Variants in SPOCK2 observed in about 807,000 individuals in gnomAD.
SPOCK2 encodes the protein SPARC (osteonectin), cwcv and kazal like domains proteoglycan 2.
A neutral mutation model predicts 60.1 loss-of-function variants in SPOCK2; 39 were observed. The ratio of observed to expected loss-of-function variants is 0.65; its 90% CI spans 0.50 to 0.85. The LOEUF is 0.85. Among genes scored for constraint, SPOCK2 ranks in the 40% least tolerant of loss-of-function variants. SPOCK2 has a pLI of 0.00. For synonymous variants in SPOCK2, 217 were observed against 231.5 expected (o/e 0.94, Z 0.57); for missense variants, 523 against 567.4 (o/e 0.92, Z 0.80).
chr10:72,081,043 G>A (rs902433377), intron 1 of SPOCK2, among the ~76,000 whole-genome samples: 74 of 152,320 alleles, frequency 4.9e-4, no homozygotes, highest in Non-Finnish European at 6.8e-4. Context: ...GGAACATGGG[G>A]GTGGGGGTCA....
intron 7 of SPOCK2, 30 bp from the exon 8 acceptor site, chr10:72,067,150 C>T (rs975072270): frequency 1.9e-6 from 3 of 1,595,034 alleles, no homozygotes; most frequent in South Asian, 1.1e-5. Flanking sequence ...AGGCACGCTT[C>T]ATCTGGCTAT....
chr10:72,074,461 C>G (rs1465575849), intron 1 of SPOCK2, among the ~76,000 whole-genome samples: 2 of 152,214 alleles, frequency 1.3e-5, no homozygotes, highest in Non-Finnish European at 2.9e-5. Flanking sequence ...CATGTGTGTG[C>G]AGGCATGTTT....
At chr10:72,075,258 G>A (rs1014657878) in intron 1 of SPOCK2, among the ~76,000 whole-genome samples, 12 of 152,108 alleles carry the variant, frequency 7.9e-5, no homozygotes, top group African/African-American at 1.2e-4. Flanking sequence ...GGGTCTTCCC[G>A]TCTGTACCCA....
At chr10:72,074,599 G>A (rs898625472) in intron 1 of SPOCK2, among the ~76,000 whole-genome samples, 3 of 152,228 alleles carry the variant, frequency 2.0e-5, no homozygotes, top group Admixed American at 6.5e-5. Context: ...ATCCAGAAAC[G>A]AGGTAACAAA....
chr10:72,066,179 A>C (rs1265098318), intron 8 of SPOCK2, among the ~76,000 whole-genome samples: 1 of 152,128 alleles, frequency 6.6e-6, no homozygotes, highest in Non-Finnish European at 1.5e-5. Context: ...CAACGTATGT[A>C]ATCACTTATT....
chr10:72,066,578 G>A (rs1462721402), intron 8 of SPOCK2, among the ~76,000 whole-genome samples: 2 of 149,318 alleles, frequency 1.3e-5, no homozygotes, highest in Admixed American at 6.7e-5. Flanking sequence ...TGGGTCACAT[G>A]ATCCTCCCAC....
intron 8 of SPOCK2, among the ~76,000 whole-genome samples, chr10:72,065,796 T>C (rs1840559967): frequency 6.6e-6 from 1 of 152,190 alleles, no homozygotes; most frequent in South Asian, 2.1e-4. Context: ...ATACCACACA[T>C]TTGCAGAGGG....
At chr10:72,074,762 C>A (rs1047882685) in intron 1 of SPOCK2, among the ~76,000 whole-genome samples, 1 of 152,282 alleles carries the variant, frequency 6.6e-6, no homozygotes, top group Admixed American at 6.5e-5. Flanking sequence ...GAGCCCACGG[C>A]GGCTCTCTCC....
chr10:72,066,604 T>C (rs1018569395), intron 8 of SPOCK2, among the ~76,000 whole-genome samples: 1 of 151,208 alleles, frequency 6.6e-6, no homozygotes, highest in Non-Finnish European at 1.5e-5. Flanking sequence ...CCTCCCAAAG[T>C]GCTGGGATTT....
At chr10:72,066,865 G>C (rs376408859) in intron 8 of SPOCK2, 37 bp downstream of exon 8, 2 of 1,611,128 alleles carry the variant, frequency 1.2e-6, no homozygotes, top group Non-Finnish European at 1.7e-6. Context: ...GAGCCCACAC[G>C]GGTGAGGCAG....
intron 8 of SPOCK2, 95 bp downstream of exon 8, chr10:72,066,807 C>T: frequency 1.4e-6 from 2 of 1,443,316 alleles, no homozygotes; most frequent in South Asian, 2.5e-5. Context: ...GGGACGTAGC[C>T]AAGAAAGAGC....
intron 1 of SPOCK2, among the ~76,000 whole-genome samples, chr10:72,081,170 T>G (rs767162466): frequency 6.6e-6 from 1 of 152,204 alleles, no homozygotes; most frequent in Non-Finnish European, 1.5e-5. Flanking sequence ...TGCCTGCCCT[T>G]TCTCTGGCCC....
At position 72,078,178 on chromosome 10, in the gene SPOCK2, T is replaced by C. The variant is rs111823709; in HGVS notation, c.190-5268A>G. Among the ~76,000 whole-genome samples, 549 of 152,304 alleles carry C rather than the reference T, an allele frequency of 3.6e-3. 3 individuals carry two copies. The highest frequency in any genetic ancestry group is 0.014 in the Middle Eastern group (4 of 294). On this transcript the variant is annotated intron_variant, in intron 1 of 10. Transcript: ENST00000373109. ...CCAAAATTTCTGCAATGAACATATA[T>C]TACTTTGTAATAAAGAGAAAAAACA...
rs764260736 is a variant in SPOCK2, at chr10:72,067,604, G to A, written c.709+9C>T. 1.9e-6 allele frequency: 3 copies of A among 1,611,860 alleles called. No individual in the cohort carries two copies. The East Asian group carries it at 6.7e-5, about 36-fold the overall frequency. ...CTCCCTCCTCCAGGCAGAGCAGCAA[G>A]CTTCCTACCGCTGGCCGGGCCGGCT... On this transcript the variant is annotated intron_variant, in intron 7 of 10. Coordinates refer to ENST00000373109, the MANE Select transcript of SPOCK2 (RefSeq NM_001244950.2).
chr10:72,079,855 C>A (rs1031592461), intron 1 of SPOCK2, among the ~76,000 whole-genome samples: 1 of 152,052 alleles, frequency 6.6e-6, no homozygotes, highest in African/African-American at 2.4e-5. Flanking sequence ...GGCCTGGGCT[C>A]CTGCTTGGCC....
At chr10:72,082,998 C>T (rs536844748) in intron 1 of SPOCK2, among the ~76,000 whole-genome samples, 2 of 152,272 alleles carry the variant, frequency 1.3e-5, no homozygotes, top group East Asian at 3.9e-4. Flanking sequence ...TCCTGGCCTC[C>T]AGAACTGTGA....
intron 1 of SPOCK2, among the ~76,000 whole-genome samples, chr10:72,082,618 C>A (rs572857773): frequency 6.6e-6 from 1 of 151,712 alleles, no homozygotes; most frequent in Non-Finnish European, 1.5e-5. Flanking sequence ...CTTTGGGAGG[C>A]GGAGGGGGGT....
chr10:72,060,012 C>G lies in SPOCK2; in HGVS notation c.*2748G>C, dbSNP rs963871622. On this transcript the variant is annotated 3_prime_UTR_variant, in exon 11 of 11. Coordinates refer to ENST00000373109, the MANE Select transcript of SPOCK2 (RefSeq NM_001244950.2). The stretch of plus-strand genomic sequence containing the variant: ...GCCCTAATTCCCCTACCTGCCTAAG[C>G]CAGGGGAGTGGGGGCAGGAAGGAGC... The G allele has an allele frequency of 1.3e-5, 2 of 152,504 alleles. No individual in the cohort carries two copies. The highest frequency in any genetic ancestry group is 4.8e-5 in the African/African-American group (2 of 41,444). The allele number at this position is 152,504 out of a possible 1,614,324, so 9.4% of individuals were successfully genotyped here.
intron 1 of SPOCK2, among the ~76,000 whole-genome samples, chr10:72,085,932 C>G (rs1840849326): frequency 6.6e-6 from 1 of 152,200 alleles, no homozygotes; most frequent in Non-Finnish European, 1.5e-5. Flanking sequence ...CACTGCACAA[C>G]TTCAGGGGGC....
Sources: allele counts gnomAD v4.1 joint callset (sites outside exome capture counted in the v4.1 genomes callset), GRCh38; gene constraint gnomAD v4.1.1; transcripts MANE v1.5; gene names NCBI Gene and HGNC (gene_info 2026-07-23, HGNC 2026-07-21).